HOXC4: variants seen among roughly 807,000 people sequenced by gnomAD.
The protein encoded by HOXC4 is homeobox protein Hox-C4.
In HOXC4, 15 loss-of-function variants were observed where a neutral mutation model predicts 25.5. That is an observed-to-expected ratio of 0.59 (90% CI 0.39 to 0.91). The LOEUF (loss-of-function observed/expected upper bound fraction) is 0.91. Among genes scored for constraint, HOXC4 ranks in the 40% least tolerant of loss-of-function variants. The pLI is 0.00. For synonymous variants in HOXC4, 165 were observed against 148.0 expected, an observed-to-expected ratio of 1.11 and a Z score of -0.83; for missense variants, 342 against 352.4, an observed-to-expected ratio of 0.97 and a Z score of 0.24.
At chr12:54,046,784 C>A (rs1937718079) in intron 1 of HOXC4, among the ~76,000 whole-genome samples, 1 of 152,094 alleles carries the variant, frequency 6.6e-6, no homozygotes, top group Non-Finnish European at 1.5e-5. Context: ...CCTAAGTCTA[C>A]CCTTCTCATC....
At chr12:54,039,607 T>G (rs1941238116) in intron 1 of HOXC4, among the ~76,000 whole-genome samples, 1 of 152,128 alleles carries the variant, frequency 6.6e-6, no homozygotes, top group Non-Finnish European at 1.5e-5. Flanking sequence ...AGTTTCTCCC[T>G]TCCTCATTAC....
intron 1 of HOXC4, chr12:54,032,783 A>C: frequency 6.2e-6 from 1 of 161,692 alleles, no homozygotes; most frequent in Non-Finnish European, 1.3e-5. Flanking sequence ...GGCTACCCCC[A>C]ATTCCAAGAA....
upstream of HOXC4, among the ~76,000 whole-genome samples, chr12:54,052,168 T>A (rs911536546): frequency 6.6e-6 from 1 of 151,738 alleles, no homozygotes; most frequent in African/African-American, 2.4e-5. Context: ...GGAAAAAAAA[T>A]CACATTACGA....
intron 1 of HOXC4, among the ~76,000 whole-genome samples, chr12:54,025,845 G>T (rs915704306): frequency 2.6e-5 from 4 of 152,088 alleles, no homozygotes; most frequent in African/African-American, 4.8e-5. Context: ...CTCCAGACAT[G>T]GTTGAGGAGG....
At chr12:54,034,181 C>T (rs1941110003) in intron 1 of HOXC4, 6 of 1,208,422 alleles carry the variant, frequency 5.0e-6, no homozygotes, top group Non-Finnish European at 7.3e-6. Flanking sequence ...GCCTCCTCTC[C>T]CTCCGGCCGC....
chr12:54,042,788 A>C (rs1207755789), intron 1 of HOXC4, among the ~76,000 whole-genome samples: 1 of 152,200 alleles, frequency 6.6e-6, no homozygotes, highest in Non-Finnish European at 1.5e-5. Context: ...TTGAGAGCCA[A>C]GAAAGTCACA....
chr12:54,033,766 G>C (rs1941084442), intron 1 of HOXC4, among the ~76,000 whole-genome samples: 1 of 152,210 alleles, frequency 6.6e-6, no homozygotes, highest in South Asian at 2.1e-4. Context: ...TGGATCATAG[G>C]AACAAAACGT....
At chr12:54,033,759 A>C (rs1159136444) in intron 1 of HOXC4, among the ~76,000 whole-genome samples, 2 of 152,224 alleles carry the variant, frequency 1.3e-5, no homozygotes, top group African/African-American at 4.8e-5. Context: ...ACATAATTGG[A>C]TCATAGGAAC....
chr12:54,028,583 TC>T (rs1940836871), intron 1 of HOXC4: 1 of 1,614,080 alleles, frequency 6.2e-7, no homozygotes. Context: ...CAGGACGTCC[TC>T]CCCAACGTCG....
At chr12:54,053,826 G>A, upstream of HOXC4, 1 of 921,454 alleles carries the variant, frequency 1.1e-6, no homozygotes. Flanking sequence ...GGAGTCACAT[G>A]GTGAAAGTAA....
At chr12:54,043,966 GTTTA>G (rs1232870033) in intron 1 of HOXC4, among the ~76,000 whole-genome samples, 4 of 109,276 alleles carry the variant, frequency 3.7e-5, no homozygotes, top group East Asian at 2.8e-4. Flanking sequence ...GTGTGTGTGT[GTTTA>G]GGGAGTAGTA....
intron 1 of HOXC4, chr12:54,034,311 C>T (rs774117611): frequency 6.2e-7 from 1 of 1,614,130 alleles, no homozygotes; most frequent in African/African-American, 1.3e-5. Flanking sequence ...ACCAGTTACA[C>T]GCGCTACCAG....
intron 1 of HOXC4, chr12:54,033,035 T>C: frequency 9.4e-7 from 1 of 1,068,138 alleles, no homozygotes; most frequent in Non-Finnish European, 1.4e-6. Flanking sequence ...TTGTCCACTT[T>C]GGAGAACAAA....
intron 1 of HOXC4, chr12:54,029,529 G>A: frequency 1.0e-6 from 1 of 982,226 alleles, no homozygotes; most frequent in Non-Finnish European, 1.5e-6. Context: ...AAGGGAGAAG[G>A]CTAGAGCCCT....
At chr12:54,034,933 C>G (rs1941144850) in intron 1 of HOXC4, 1 of 200,172 alleles carries the variant, frequency 5.0e-6, no homozygotes, top group Non-Finnish European at 1.0e-5. Context: ...ACGGGTTAGA[C>G]AGCCAAAGGC....
At chr12:54,041,628 C>T (rs11170789) in intron 1 of HOXC4, among the ~76,000 whole-genome samples, 1 of 152,218 alleles carries the variant, frequency 6.6e-6, no homozygotes, top group Non-Finnish European at 1.5e-5. Flanking sequence ...AGCAGCTCTT[C>T]TCAGAAATCA....
exon 1 of HOXC4, chr12:54,017,379 C>CAGAGAGGG (rs1378758394): frequency 2.6e-5 from 4 of 152,020 alleles, no homozygotes; most frequent in Non-Finnish European, 4.4e-5. Flanking sequence ...GAGAGAGAGG[C>CAGAGAGGG]AGAGAGGGAG....
chr12:54,023,567 G>C (rs1177481486), intron 1 of HOXC4, among the ~76,000 whole-genome samples: 1 of 152,124 alleles, frequency 6.6e-6, no homozygotes, highest in Non-Finnish European at 1.5e-5. Flanking sequence ...GGAGGTGTTT[G>C]GGGGCAGTTC....
At chr12:54,031,215 G>A (rs1488283529) in intron 1 of HOXC4, among the ~76,000 whole-genome samples, 1 of 152,224 alleles carries the variant, frequency 6.6e-6, no homozygotes, top group African/African-American at 2.4e-5. Context: ...CCAGGCACCA[G>A]GGTCTCCTCC....
Sources: allele counts gnomAD v4.1 joint callset (sites outside exome capture counted in the v4.1 genomes callset), GRCh38; gene constraint gnomAD v4.1.1; transcripts MANE v1.5; gene names NCBI Gene and HGNC (gene_info 2026-07-23, HGNC 2026-07-21).